Variants in CLCA1 observed in about 807,000 individuals in gnomAD.
CLCA1 encodes the protein chloride channel accessory 1, also known as calcium-activated chloride channel regulator 1.
In CLCA1, 59 loss-of-function variants were observed where a neutral mutation model predicts 85.6. The observed-to-expected ratio is 0.69, with a 90% CI of 0.56 to 0.86. The LOEUF (loss-of-function observed/expected upper bound fraction) is 0.86. Among genes scored for constraint, CLCA1 ranks in the 40% least tolerant of loss-of-function variants. CLCA1 has a pLI of 0.00. For missense variants in CLCA1, 1,022 were observed against 1,101.4 expected, an observed-to-expected ratio of 0.93 and a Z score of 1.02; for synonymous variants, 396 against 398.3, an observed-to-expected ratio of 0.99 and a Z score of 0.07.
In CLCA1 at chr1:86,500,195, A is replaced by C. The variant is rs1648420941; in HGVS notation, c.*150A>C. The C allele has an allele frequency of 7.1e-6, 4 of 563,008 alleles. No homozygotes were observed. The highest frequency in any genetic ancestry group is 1.3e-5 in the Non-Finnish European group (4 of 317,294). The allele number at this position is 563,008 out of a possible 1,614,324, so 34.9% of individuals were successfully genotyped here. On this transcript the variant is annotated 3_prime_UTR_variant, in exon 14 of 14. Coordinates refer to ENST00000394711, the MANE Select transcript of CLCA1 (RefSeq NM_001285.4). ...ACTAAATGTATTCCTGTAGGGGGCG[A>C]TATACTAAATGTATTTTAGACTTCC...
At chr1:86,488,918 C>T in intron 7 of CLCA1, 78 bp from the exon 8 acceptor site, 1 of 1,271,972 alleles carries the variant, frequency 7.9e-7, no homozygotes, top group Non-Finnish European at 1.1e-6. Context: ...TTCTTTTCTC[C>T]TTTCCTGTAA....
At position 86,489,018 on chromosome 1, in the gene CLCA1, C is replaced by T. The variant is rs1553188049; in HGVS notation, c.1205C>T (p.Thr402Ile). ...TAGGTGATTAGGAAGAAATATCCAACTGATGGATCTGAAATTGTGCTGCTG... is the reference window on the plus strand; with the variant it reads ...TAGGTGATTAGGAAGAAATATCCAATTGATGGATCTGAAATTGTGCTGCTG... ...AFTVIRKKYP[T>I]DGSEIVLLTD... is the part of the protein sequence containing the mutation. The change falls in exon 8 of 14, where the codon ACT becomes ATT. Residue 402 changes from threonine (T) to isoleucine (I), a missense_variant. Transcript: ENST00000394711. 1 of 1,614,006 alleles carries T rather than the reference C, an allele frequency of 6.2e-7. No homozygotes were observed. The highest frequency in any genetic ancestry group is 8.5e-7 in the Non-Finnish European group (1 of 1,179,924).
chr1:86,473,873 C>A lies in CLCA1; in HGVS notation c.448C>A (p.Gln150Lys), dbSNP rs377652134. 2 of 1,598,778 alleles carry A rather than the reference C, an allele frequency of 1.3e-6. No homozygotes were observed. Among genetic ancestry groups the A allele is most frequent in the Admixed American group, 1.8e-5 (1 of 56,942 alleles). Reference sequence around the variant, plus strand: ...AAAAAAGTTAGCTGAATATGGACCACAAGGTATGAAATATTCTACCATACT... The same window carrying A: ...AAAAAAGTTAGCTGAATATGGACCAAAAGGTATGAAATATTCTACCATACT... ...AGKKLAEYGPQGRAFVHEWAH... is the reference protein window; with the variant it reads ...AGKKLAEYGPKGRAFVHEWAH... Residue 150 changes from glutamine (Q) to lysine (K), a missense_variant, in exon 3 of 14, where the codon CAA (glutamine) becomes AAA (lysine). Transcript: ENST00000394711.
rs749760610 is a variant in CLCA1, at chr1:86,482,337, C to T, written c.690C>T (p.Arg230=). The T allele has an allele frequency of 6.2e-7, 1 of 1,614,090 alleles. No homozygotes were observed. The highest frequency in any genetic ancestry group is 1.1e-5 in the South Asian group (1 of 91,068). ...GATGTGAGTTTGTTCTCCAATCCCG[C>T]CAGACGGAGAAGGCTTCTATAATGT... ...EKGCEFVLQS[R]QTEKASIMFA... The change falls in exon 5 of 14, where the codon CGC becomes CGT. Residue 230 remains arginine (R), a synonymous_variant. Coordinates refer to ENST00000394711, the MANE Select transcript of CLCA1 (RefSeq NM_001285.4).
intron 10 of CLCA1, among the ~76,000 whole-genome samples, 198 bp downstream of exon 10, chr1:86,493,797 G>A (rs1213494082): frequency 2.0e-5 from 3 of 152,116 alleles, no homozygotes; most frequent in African/African-American, 7.2e-5. Context: ...GGAAATAGGT[G>A]ATATTTTGTC....
At chr1:86,489,653 A>C (rs1044677376) in intron 8 of CLCA1, among the ~76,000 whole-genome samples, 1 of 152,138 alleles carries the variant, frequency 6.6e-6, no homozygotes, top group Non-Finnish European at 1.5e-5. Flanking sequence ...GCAAAAGATC[A>C]CTCCCAAAAT....
At chr1:86,473,595 T>C in intron 2 of CLCA1, 38 bp downstream of exon 2, 1 of 1,531,362 alleles carries the variant, frequency 6.5e-7, no homozygotes, top group African/African-American at 1.4e-5. Context: ...TTCCACTTTC[T>C]CCTGTAACCA....
intron 9 of CLCA1, 88 bp from the exon 10 acceptor site, chr1:86,493,295 TG>T: frequency 1.0e-6 from 1 of 970,248 alleles, no homozygotes; most frequent in Non-Finnish European, 1.6e-6. Flanking sequence ...GTCTTTTTAA[TG>T]GCGCACTGGG....
At position 86,494,197 on chromosome 1, in the gene CLCA1, G is replaced by A. The variant is rs1648212057; in HGVS notation, c.1691G>A (p.Trp564Ter). 1 of 1,614,150 alleles carries A rather than the reference G, an allele frequency of 6.2e-7. No individual in the cohort carries two copies. Among genetic ancestry groups the A allele is most frequent in the Non-Finnish European group, 8.5e-7 (1 of 1,180,000 alleles). Residue 564 changes from tryptophan (W) to a stop codon, truncating the protein, a stop_gained, in exon 11 of 14, where the codon TGG becomes TAG. Coordinates refer to ENST00000394711, the MANE Select transcript of CLCA1 (RefSeq NM_001285.4). LOFTEE classifies it high-confidence loss of function. ...QIPGIAKVGT[W>*]KYSLQASSQT... ...ATGTGTTTTGGTCAGGTTGGCACTTGGAAATACAGTCTGCAAGCAAGCTCA... is the reference window on the plus strand; with the variant it reads ...ATGTGTTTTGGTCAGGTTGGCACTTAGAAATACAGTCTGCAAGCAAGCTCA...
intron 10 of CLCA1, 69 bp from the exon 11 acceptor site, chr1:86,494,118 G>A (rs1016042852): frequency 8.3e-6 from 13 of 1,562,210 alleles, no homozygotes; most frequent in African/African-American, 1.4e-5. Context: ...TTTCCCGTAC[G>A]TGACATTGAA....
rs190641593 is a variant in CLCA1, at chr1:86,497,216, A to C, written c.2114-1356A>C. Among the ~76,000 whole-genome samples, 85 of 152,362 alleles carry C rather than the reference A, an allele frequency of 5.6e-4. 1 individual carries two copies. The highest frequency in any genetic ancestry group is 3.4e-3 in the Middle Eastern group (1 of 294). ...ATAACTAATAGTGTTAGTGCCTGGC[A>C]TAACAGTAGAAGGCCATGTTCTTCC... On this transcript the variant is annotated intron_variant, in intron 12 of 13. Coordinates refer to ENST00000394711, the MANE Select transcript of CLCA1 (RefSeq NM_001285.4).
At position 86,499,915 on chromosome 1, in the gene CLCA1, CAG is replaced by C. The variant is rs1295736309; in HGVS notation, c.2619_2620del (p.Glu873AspfsTer3). 1 of 1,614,050 alleles carries C rather than the reference CAG, an allele frequency of 6.2e-7. No individual in the cohort carries two copies. The highest frequency in any genetic ancestry group is 1.7e-5 in the Admixed American group (1 of 60,026). Reference sequence around the variant, plus strand: ...TTGTTTATTCCTCCACAGACTCCGCCAGAGACACCTAGTCCTGATGAAACGTC... The same window carrying C: ...TTGTTTATTCCTCCACAGACTCCGCCAGACACCTAGTCCTGATGAAACGTC... On this transcript the variant is annotated frameshift_variant, in exon 14 of 14. Transcript: ENST00000394711. LOFTEE classifies it low-confidence loss of function (END_TRUNC).
At chr1:86,474,632 C>A (rs2101729072) in intron 3 of CLCA1, among the ~76,000 whole-genome samples, 1 of 151,930 alleles carries the variant, frequency 6.6e-6, no homozygotes, top group Non-Finnish European at 1.5e-5. Flanking sequence ...AACAAGCTCA[C>A]AGGAGATGTT....
At chr1:86,485,025 G>T (rs1647925788) in intron 5 of CLCA1, among the ~76,000 whole-genome samples, 1 of 152,124 alleles carries the variant, frequency 6.6e-6, no homozygotes, top group Non-Finnish European at 1.5e-5. Context: ...AGATAAGATG[G>T]TTCCAAGAGA....
At chr1:86,470,855 C>T (rs995969923) in intron 1 of CLCA1, among the ~76,000 whole-genome samples, 2 of 152,188 alleles carry the variant, frequency 1.3e-5, no homozygotes, top group Non-Finnish European at 2.9e-5. Flanking sequence ...AGACTCTCCC[C>T]TGGTGCCCCT....
At chr1:86,485,133 G>C (rs762247102) in intron 5 of CLCA1, among the ~76,000 whole-genome samples, 9 of 152,112 alleles carry the variant, frequency 5.9e-5, no homozygotes, top group Non-Finnish European at 1.0e-4. Context: ...TAAATGGATT[G>C]CTGAGGAGCA....
At chr1:86,485,682 A>G in intron 6 of CLCA1, 121 bp downstream of exon 6, 4 of 844,018 alleles carry the variant, frequency 4.7e-6, no homozygotes, top group Non-Finnish European at 7.6e-6. Context: ...TAACTGTAAC[A>G]TTGTCTTCAG....
chr1:86,469,098 G>T lies in CLCA1; in HGVS notation c.127G>T (p.Val43Leu). ...EGIVVAIDPNVPEDETLIQQI... is the reference protein window; with the variant it reads ...EGIVVAIDPNLPEDETLIQQI... ...CATTGTCGTTGCAATCGACCCCAAT[G>T]TGCCAGAAGATGAAACACTCATTCA... Residue 43 changes from valine (V) to leucine (L), a missense_variant, in exon 1 of 14, where the codon GTG (valine) becomes TTG (leucine). By Grantham distance (32) the Val-to-Leu change is conservative. Transcript: ENST00000394711. 4.3e-6 allele frequency: 7 copies of T among 1,610,310 alleles called. No homozygotes were observed. The highest frequency in any genetic ancestry group is 5.9e-6 in the Non-Finnish European group (7 of 1,178,030).
In CLCA1 at chr1:86,500,037, A is replaced by G. The variant is rs750461995; in HGVS notation, c.2737A>G (p.Ile913Val). Residue 913 changes from isoleucine to valine, a missense_variant, in exon 14 of 14, where the codon ATA (isoleucine) becomes GTA (valine). By Grantham distance (29) the Ile-to-Val change is conservative. Coordinates refer to ENST00000394711, the MANE Select transcript of CLCA1 (RefSeq NM_001285.4). ...GTGGATAGGAGAACTGCAGCTGTCA[A>G]TAGCCTAGGGCTGAATTTTTGTCAG... is the stretch of plus-strand genomic sequence containing the variant. The part of the protein sequence containing the change: ...WKWIGELQLS[I>V]A 2 of 1,606,356 alleles carry G rather than the reference A, an allele frequency of 1.2e-6. No homozygotes were observed. Among genetic ancestry groups the G allele is most frequent in the South Asian group, 1.1e-5 (1 of 90,762 alleles).
Sources: allele counts gnomAD v4.1 joint callset (sites outside exome capture counted in the v4.1 genomes callset), GRCh38; gene constraint gnomAD v4.1.1; transcripts MANE v1.5; gene names NCBI Gene and HGNC (gene_info 2026-07-23, HGNC 2026-07-21).